Variants in MAGI2 observed in about 807,000 individuals in gnomAD.
MAGI2 encodes membrane associated guanylate kinase, WW and PDZ domain containing 2.
MAGI2 carries 35 observed loss-of-function variants against 133.3 expected under a neutral mutation model. The observed-to-expected ratio is 0.26, with a 90% CI of 0.20 to 0.35. The LOEUF (loss-of-function observed/expected upper bound fraction) is 0.35. Among genes scored for constraint, MAGI2 ranks in the 10% least tolerant of loss-of-function variants. MAGI2 has a pLI of 1.00. For missense variants in MAGI2, 1,636 were observed against 1,863.4 expected (o/e 0.88, Z 2.25); for synonymous variants, 729 against 710.6 (o/e 1.03, Z -0.41).
intron 1 of MAGI2, among the ~76,000 whole-genome samples, chr7:79,420,684 G>A (rs1477222752): frequency 3.3e-5 from 5 of 151,824 alleles, no homozygotes; most frequent in Non-Finnish European, 7.4e-5. Flanking sequence ...ACTTTATTTT[G>A]CATCTACGCC....
At chr7:78,989,685 ATTCT>A (rs1562757256) in intron 2 of MAGI2, among the ~76,000 whole-genome samples, 1 of 151,938 alleles carries the variant, frequency 6.6e-6, no homozygotes, top group African/African-American at 2.4e-5. Context: ...TGCATGCCAA[ATTCT>A]TTCTTTCTGC....
chr7:79,230,193 G>C (rs1342863573), intron 1 of MAGI2, among the ~76,000 whole-genome samples: 1 of 149,940 alleles, frequency 6.7e-6, no homozygotes, highest in Non-Finnish European at 1.5e-5. Flanking sequence ...GTCTATCATT[G>C]TTGGACATTT....
At chr7:78,633,759 C>A (rs181111778) in intron 2 of MAGI2, among the ~76,000 whole-genome samples, 4 of 148,244 alleles carry the variant, frequency 2.7e-5, no homozygotes. Context: ...TAAAATGGTG[C>A]GATAAAAAGG....
chr7:78,818,096 A>G (rs558456229), intron 2 of MAGI2, among the ~76,000 whole-genome samples: 1 of 152,328 alleles, frequency 6.6e-6, no homozygotes, highest in Non-Finnish European at 1.5e-5. Flanking sequence ...AGGACTAAAT[A>G]AATCTGCATA....
intron 1 of MAGI2, among the ~76,000 whole-genome samples, chr7:79,170,137 C>CTTTT (rs10539344): frequency 1.6e-4 from 7 of 42,924 alleles, no homozygotes; most frequent in African/African-American, 6.0e-4. Flanking sequence ...AGATATTATA[C>CTTTT]TTTTTTTTTT....
chr7:79,301,129 G>A, intron 1 of MAGI2, among the ~76,000 whole-genome samples: 1 of 152,248 alleles, frequency 6.6e-6, no homozygotes, highest in Admixed American at 6.5e-5. Context: ...TGGCAAGGCA[G>A]AGGATAAATG....
At chr7:78,522,257 T>C (rs1006451122) in intron 3 of MAGI2, among the ~76,000 whole-genome samples, 2 of 152,212 alleles carry the variant, frequency 1.3e-5, no homozygotes, top group African/African-American at 4.8e-5. Flanking sequence ...ATCTGAGCTA[T>C]GGAATCATCT....
At chr7:79,444,394 T>C (rs2129200770) in intron 1 of MAGI2, among the ~76,000 whole-genome samples, 1 of 152,304 alleles carries the variant, frequency 6.6e-6, no homozygotes, top group Non-Finnish European at 1.5e-5. Context: ...GCAGATGACA[T>C]GATTGTATAT....
rs1001405618 is a variant in MAGI2, at chr7:79,449,903, C to A, written c.301+3117G>T. 6.6e-5 allele frequency among the ~76,000 whole-genome samples: 6 copies of A among 90,826 alleles called. 1 individual carries two copies. Among genetic ancestry groups the A allele is most frequent in the Admixed American group, 2.1e-4 (2 of 9,510 alleles). 59.6% of individuals were successfully genotyped at this position (90,826 alleles called of 152,430 possible). A position where few individuals can be genotyped will look rare whatever the true frequency, so the allele number is the denominator to read the frequency against. On this transcript the variant is annotated intron_variant, in intron 1 of 21. Transcript: ENST00000354212. ...ATATATATATATATATATATAATGT[C>A]TTAAAATCCCAACATTTTAAAAGGA...
At chr7:79,385,120 T>A (rs1386351578) in intron 1 of MAGI2, among the ~76,000 whole-genome samples, 1 of 151,792 alleles carries the variant, frequency 6.6e-6, no homozygotes, top group Non-Finnish European at 1.5e-5. Context: ...GATCTGAGCA[T>A]ACTGAAATTT....
chr7:78,870,248 G>A (rs1001516898), intron 2 of MAGI2, among the ~76,000 whole-genome samples: 13 of 152,004 alleles, frequency 8.6e-5, no homozygotes, highest in African/African-American at 2.4e-4. Context: ...TTGGGAGGCT[G>A]GGGTGGGAGA....
chr7:78,864,176 T>G (rs185937544), intron 2 of MAGI2, among the ~76,000 whole-genome samples: 34 of 152,346 alleles, frequency 2.2e-4, no homozygotes, highest in Admixed American at 2.0e-4. Flanking sequence ...CTATATGTGC[T>G]GGCTGACATT....
chr7:78,145,825 C>T (rs953570678), intron 16 of MAGI2, among the ~76,000 whole-genome samples: 5 of 152,094 alleles, frequency 3.3e-5, no homozygotes, highest in African/African-American at 1.2e-4. Context: ...TGAGAGAGCT[C>T]TGGTCTTTTC....
At chr7:78,136,155 G>A (rs527590915) in intron 16 of MAGI2, among the ~76,000 whole-genome samples, 358 of 146,472 alleles carry the variant, frequency 2.4e-3, no homozygotes, top group African/African-American at 8.3e-3. Flanking sequence ...TCACTCTGTC[G>A]CCCAGGCTGG....
At chr7:79,347,278 ATTT>A (rs1841391881) in intron 1 of MAGI2, among the ~76,000 whole-genome samples, 1 of 151,990 alleles carries the variant, frequency 6.6e-6, no homozygotes, top group South Asian at 2.1e-4. Context: ...TCAAATCTAT[ATTT>A]AATTCTTTAT....
At chr7:79,250,670 C>T (rs1036555447) in intron 1 of MAGI2, among the ~76,000 whole-genome samples, 1 of 151,942 alleles carries the variant, frequency 6.6e-6, no homozygotes, top group African/African-American at 2.4e-5. Context: ...TTAAAATGTT[C>T]AAGACAATCT....
intron 6 of MAGI2, chr7:78,487,216 C>T (rs988408751): frequency 1.0e-4 from 25 of 242,220 alleles, no homozygotes; most frequent in Admixed American, 4.6e-4. Flanking sequence ...AGCATTGCTA[C>T]GGAGTTTCTA....
At chr7:78,590,259 C>T (rs951158447) in intron 3 of MAGI2, among the ~76,000 whole-genome samples, 6 of 152,264 alleles carry the variant, frequency 3.9e-5, no homozygotes, top group Non-Finnish European at 7.4e-5. Context: ...CCCTGGAACG[C>T]TAATTCTGCC....
At chr7:78,445,365 C>T (rs1201343992) in intron 6 of MAGI2, among the ~76,000 whole-genome samples, 1 of 152,006 alleles carries the variant, frequency 6.6e-6, no homozygotes, top group Non-Finnish European at 1.5e-5. Flanking sequence ...ATTTTCTATC[C>T]TGAATTCTTT....
Sources: allele counts gnomAD v4.1 joint callset (sites outside exome capture counted in the v4.1 genomes callset), GRCh38; gene constraint gnomAD v4.1.1; transcripts MANE v1.5; gene names NCBI Gene and HGNC (gene_info 2026-07-23, HGNC 2026-07-21).